HOOK3: variants seen among roughly 807,000 people sequenced by gnomAD.
The protein encoded by HOOK3 is protein Hook homolog 3.
HOOK3 carries 24 observed loss-of-function variants against 116.3 expected under a neutral mutation model. That is an observed-to-expected ratio of 0.21 (90% confidence interval 0.15 to 0.29). The LOEUF (loss-of-function observed/expected upper bound fraction) is 0.29, where lower values mean the gene tolerates loss of function less well. Among genes scored for constraint, HOOK3 ranks in the 10% least tolerant of loss-of-function variants. HOOK3 has a pLI of 1.00. For missense variants in HOOK3, 632 were observed against 830.2 expected, an observed-to-expected ratio of 0.76 and a Z score of 2.93; for synonymous variants, 275 against 283.0, an observed-to-expected ratio of 0.97 and a Z score of 0.28.
In HOOK3 at chr8:43,007,783, C is replaced by A. The variant is rs917266096; in HGVS notation, c.1656-64C>A. ...TAATCCAAATATAAGGAACTCAGATCTTTAATTTGAACTGGAAAAAATTAC... is the reference window on the plus strand; with the variant it reads ...TAATCCAAATATAAGGAACTCAGATATTTAATTTGAACTGGAAAAAATTAC... On this transcript the variant is annotated intron_variant, in intron 17 of 21. Coordinates refer to ENST00000307602, the MANE Select transcript of HOOK3 (RefSeq NM_032410.4). The A allele has an allele frequency of 1.1e-5, 11 of 966,070 alleles. No individual in the cohort carries two copies. The Admixed American group carries it at 1.4e-4, about 12-fold the overall frequency. 59.8% of individuals were successfully genotyped at this position (966,070 alleles called of 1,614,324 possible).
chr8:42,936,061 T>C (rs1053297981), intron 4 of HOOK3, among the ~76,000 whole-genome samples: 1 of 151,022 alleles, frequency 6.6e-6, no homozygotes, highest in South Asian at 2.1e-4. Context: ...TCCTCTCTTA[T>C]TTCCTTGAGC....
chr8:43,013,951 CTTTT>C (rs1164930989), intron 21 of HOOK3, among the ~76,000 whole-genome samples: 1 of 152,088 alleles, frequency 6.6e-6, no homozygotes, highest in Non-Finnish European at 1.5e-5. Flanking sequence ...TTCTGTCTTC[CTTTT>C]GTTTTTTGTT....
chr8:42,961,786 A>C (rs940770850), intron 8 of HOOK3, among the ~76,000 whole-genome samples: 2 of 152,056 alleles, frequency 1.3e-5, no homozygotes, highest in Non-Finnish European at 2.9e-5. Flanking sequence ...AATCATGTTT[A>C]TGTTTTGTTT....
intron 15 of HOOK3, among the ~76,000 whole-genome samples, chr8:42,988,902 T>G (rs1213439768): frequency 6.6e-6 from 1 of 152,174 alleles, no homozygotes; most frequent in Non-Finnish European, 1.5e-5. Flanking sequence ...AGTTTGTTCT[T>G]ACTGAATTTA....
rs551069250 is a variant in HOOK3, at chr8:43,018,547, T to C, written c.*49T>C. ...GACACCTGCACCCACAACATACTTC[T>C]GTTACACACAAGAACATTTCAGGAA... On this transcript the variant is annotated 3_prime_UTR_variant, in exon 22 of 22. Coordinates refer to ENST00000307602, the MANE Select transcript of HOOK3 (RefSeq NM_032410.4). The C allele has an allele frequency of 4.6e-6, 7 of 1,513,560 alleles. No homozygotes were observed. The highest frequency in any genetic ancestry group is 6.2e-6 in the Non-Finnish European group (7 of 1,129,562). 93.8% of individuals were successfully genotyped at this position (1,513,560 alleles called of 1,614,324 possible).
chr8:42,901,925 G>A (rs1807198317), intron 1 of HOOK3, among the ~76,000 whole-genome samples: 1 of 152,156 alleles, frequency 6.6e-6, no homozygotes, highest in Admixed American at 6.5e-5. Context: ...GGTCAGGCTG[G>A]TCTTGAACTC....
chr8:42,901,398 G>C (rs1321455932), intron 1 of HOOK3, among the ~76,000 whole-genome samples: 1 of 152,088 alleles, frequency 6.6e-6, no homozygotes, highest in Non-Finnish European at 1.5e-5. Context: ...TAAAAATTAA[G>C]GTACGGTTTA....
At position 42,971,055 on chromosome 8, in the gene HOOK3, G is replaced by A. The variant is rs143256362; in HGVS notation, c.1123-2234G>A. On this transcript the variant is annotated intron_variant, in intron 11 of 21. Coordinates refer to ENST00000307602, the MANE Select transcript of HOOK3 (RefSeq NM_032410.4). ...TCCTGCCTCGGCCTCCCAAAGTGCT[G>A]GGATTATAGGTGTGAGCCGCTGCAC... Among the ~76,000 whole-genome samples, 523 of 152,048 alleles carry A rather than the reference G, an allele frequency of 3.4e-3. 2 individuals are homozygous for A. The highest frequency in any genetic ancestry group is 0.017 in the South Asian group (82 of 4,814).
chr8:42,906,984 A>G (rs2130324084), intron 2 of HOOK3, among the ~76,000 whole-genome samples: 1 of 152,366 alleles, frequency 6.6e-6, no homozygotes, highest in Non-Finnish European at 1.5e-5. Context: ...GGATAAATAA[A>G]GCATACCCAA....
chr8:42,923,037 C>T (rs1270040813), intron 2 of HOOK3, among the ~76,000 whole-genome samples: 2 of 152,128 alleles, frequency 1.3e-5, no homozygotes, highest in Non-Finnish European at 2.9e-5. Flanking sequence ...CACAGTTTTT[C>T]AAAGTGCAAA....
At chr8:42,922,486 G>A (rs186196133) in intron 2 of HOOK3, among the ~76,000 whole-genome samples, 4 of 152,288 alleles carry the variant, frequency 2.6e-5, no homozygotes, top group Non-Finnish European at 5.9e-5. Context: ...AGGAATACAA[G>A]TACAAGGTTA....
intron 15 of HOOK3, among the ~76,000 whole-genome samples, chr8:42,993,995 T>G (rs1809217597): frequency 6.6e-6 from 1 of 152,124 alleles, no homozygotes; most frequent in Non-Finnish European, 1.5e-5. Context: ...ATTCATTTAT[T>G]TCTGCTCTGA....
chr8:42,975,102 C>A (rs1053998892), intron 13 of HOOK3, among the ~76,000 whole-genome samples: 2 of 152,126 alleles, frequency 1.3e-5, no homozygotes, highest in African/African-American at 4.8e-5. Flanking sequence ...GTGGGGCGCA[C>A]CCAGGAGCGG....
chr8:43,012,361 AT>A (rs1450958008), intron 19 of HOOK3, among the ~76,000 whole-genome samples: 1 of 152,186 alleles, frequency 6.6e-6, no homozygotes, highest in Non-Finnish European at 1.5e-5. Flanking sequence ...ACACAATGTT[AT>A]TTTTGTGATA....
rs763561799 is a variant in HOOK3, at chr8:42,974,238, T to A, written c.1321+44T>A. 4 of 1,433,982 alleles carry A rather than the reference T, an allele frequency of 2.8e-6. No individual in the cohort carries two copies. The South Asian group carries it at 4.6e-5, about 16-fold the overall frequency. 88.8% of individuals were successfully genotyped at this position (1,433,982 alleles called of 1,614,324 possible). On this transcript the variant is annotated intron_variant, in intron 13 of 21. Coordinates refer to ENST00000307602, the MANE Select transcript of HOOK3 (RefSeq NM_032410.4). ...TACAAACCAGATGATTTCTTTTTTTTTTGAGACGGGAGTTTCACTCTTATT... is the reference window on the plus strand; with the variant it reads ...TACAAACCAGATGATTTCTTTTTTTATTGAGACGGGAGTTTCACTCTTATT...
chr8:43,001,785 C>T (rs1284416047), intron 16 of HOOK3, among the ~76,000 whole-genome samples: 1 of 152,142 alleles, frequency 6.6e-6, no homozygotes, highest in Non-Finnish European at 1.5e-5. Context: ...AGGGTCCTGT[C>T]TGCCTGCCAA....
At chr8:43,016,625 T>C (rs1044062001) in intron 21 of HOOK3, among the ~76,000 whole-genome samples, 1 of 152,246 alleles carries the variant, frequency 6.6e-6, no homozygotes, top group African/African-American at 2.4e-5. Context: ...CTGAGGTCTT[T>C]AACCTATGTG....
intron 2 of HOOK3, among the ~76,000 whole-genome samples, chr8:42,920,494 A>G (rs981868431): frequency 6.6e-6 from 1 of 152,196 alleles, no homozygotes. Flanking sequence ...CCTTTAAGCA[A>G]ATTTACTGAG....
chr8:42,995,043 C>T (rs1344174652), intron 15 of HOOK3, among the ~76,000 whole-genome samples: 3 of 152,136 alleles, frequency 2.0e-5, no homozygotes, highest in African/African-American at 7.2e-5. Flanking sequence ...GGACCTGTGT[C>T]CCCATATTGA....
Sources: allele counts gnomAD v4.1 joint callset (sites outside exome capture counted in the v4.1 genomes callset), GRCh38; gene constraint gnomAD v4.1.1; transcripts MANE v1.5; gene names NCBI Gene and HGNC (gene_info 2026-07-23, HGNC 2026-07-21).